The following SDK2 variants were observed in gnomAD, a reference collection of about 807,000 sequenced individuals.
The protein encoded by SDK2 is protein sidekick-2.
Under a neutral mutation model 253.9 loss-of-function variants are expected in SDK2, and 105 were observed. The observed-to-expected ratio is 0.41, with a 90% CI of 0.35 to 0.49. The LOEUF is 0.49. SDK2 is among the 20% of genes least tolerant of loss of function. The probability of loss-of-function intolerance (pLI) is 0.06; values close to 1 mark genes in which losing one functional copy is unlikely to be tolerated. For missense variants in SDK2, 2,608 were observed against 3,003.0 expected, an observed-to-expected ratio of 0.87 and a Z score of 3.07; for synonymous variants, 1,249 against 1,234.9, an observed-to-expected ratio of 1.01 and a Z score of -0.24.
chr17:73,615,818 A>G (rs1398602115), intron 1 of SDK2, among the ~76,000 whole-genome samples: 2 of 152,216 alleles, frequency 1.3e-5, no homozygotes, highest in Admixed American at 6.5e-5. Flanking sequence ...ATACACACAT[A>G]CATAAACATA....
chr17:73,574,529 T>C (rs920441707), intron 1 of SDK2, among the ~76,000 whole-genome samples: 2 of 152,162 alleles, frequency 1.3e-5, no homozygotes, highest in Admixed American at 1.3e-4. Context: ...TTCAGGAGAC[T>C]ACCTTGTGTG....
intron 2 of SDK2, among the ~76,000 whole-genome samples, chr17:73,501,237 T>C (rs1372214915): frequency 5.2e-5 from 4 of 77,416 alleles, no homozygotes; most frequent in Admixed American, 1.5e-4. Flanking sequence ...TACATGCATG[T>C]GCATGCACAC....
intron 1 of SDK2, among the ~76,000 whole-genome samples, chr17:73,626,216 G>A (rs1428977298): frequency 1.3e-5 from 2 of 152,228 alleles, no homozygotes; most frequent in Admixed American, 6.5e-5. Flanking sequence ...CCAGAATTGC[G>A]CCTGAGCGAG....
At chr17:73,549,373 C>T (rs1206194421) in intron 1 of SDK2, among the ~76,000 whole-genome samples, 1 of 152,140 alleles carries the variant, frequency 6.6e-6, no homozygotes, top group East Asian at 1.9e-4. Context: ...ACTCTTTGCC[C>T]TTTAGCTTGT....
At chr17:73,528,417 T>A (rs1162866588) in intron 1 of SDK2, among the ~76,000 whole-genome samples, 5 of 152,316 alleles carry the variant, frequency 3.3e-5, no homozygotes, top group Middle Eastern at 3.4e-3. Context: ...CAAGTCCACA[T>A]GACAATCCTC....
chr17:73,364,389 C>T (rs1023300200), intron 38 of SDK2, among the ~76,000 whole-genome samples: 22 of 152,084 alleles, frequency 1.4e-4, no homozygotes, highest in African/African-American at 4.8e-4. Context: ...ATTTGCAGAG[C>T]AGGGCTCTTG....
In SDK2 at chr17:73,352,109, G is replaced by T. The variant is rs985638862; in HGVS notation, c.5758+364C>A. 3.3e-5 allele frequency among the ~76,000 whole-genome samples: 5 copies of T among 152,158 alleles called. No homozygotes were observed. The highest frequency in any genetic ancestry group is 1.2e-4 in the African/African-American group (5 of 41,440). On this transcript the variant is annotated intron_variant, in intron 41 of 44. Transcript: ENST00000392650. The surrounding 1 kb of genome is among the most constrained non-coding windows in gnomAD (Gnocchi z 4.1). ...TGCTGCTCTGCAGGCTGCTGACCCTGCCACGTTGGGGCTGGAGGTTTCCAT... is the reference window on the plus strand; with the variant it reads ...TGCTGCTCTGCAGGCTGCTGACCCTTCCACGTTGGGGCTGGAGGTTTCCAT...
At chr17:73,409,480 T>G (rs2063107705) in intron 18 of SDK2, among the ~76,000 whole-genome samples, 1 of 149,544 alleles carries the variant, frequency 6.7e-6, no homozygotes, top group South Asian at 2.2e-4. Flanking sequence ...AAAAAAAAAT[T>G]AGCTGAGCAT....
chr17:73,584,581 C>T (rs1237551711), intron 1 of SDK2, among the ~76,000 whole-genome samples: 4 of 152,210 alleles, frequency 2.6e-5, no homozygotes, highest in Non-Finnish European at 5.9e-5. Flanking sequence ...CCAGGGAGCA[C>T]CTTCTGGGAC....
chr17:73,412,066 A>G (rs2063138534), intron 18 of SDK2, among the ~76,000 whole-genome samples: 1 of 39,456 alleles, frequency 2.5e-5, no homozygotes. Flanking sequence ...ATATGTATAT[A>G]TACGTATATA....
intron 17 of SDK2, 45 bp from the exon 18 acceptor site, chr17:73,414,804 A>T: frequency 8.1e-7 from 1 of 1,240,440 alleles, no homozygotes; most frequent in South Asian, 1.2e-5. Flanking sequence ...GGGCCCAGTC[A>T]GTCTCTCTTG....
intron 33 of SDK2, among the ~76,000 whole-genome samples, chr17:73,382,831 G>A (rs777603508): frequency 7.9e-5 from 12 of 152,160 alleles, no homozygotes; most frequent in South Asian, 2.1e-4. Flanking sequence ...GTGAAACCCC[G>A]TCTCTACTAA....
chr17:73,477,508 T>C (rs1318559124), intron 2 of SDK2, among the ~76,000 whole-genome samples: 1 of 152,222 alleles, frequency 6.6e-6, no homozygotes, highest in African/African-American at 2.4e-5. Context: ...TATGGGACCT[T>C]GCAAGCCTTA....
In SDK2 at chr17:73,443,557, T is replaced by G. The variant is rs1266896957; in HGVS notation, c.614-2634A>C. Among the ~76,000 whole-genome samples the G allele has an allele frequency of 6.6e-6, 1 of 152,170 alleles. No individual in the cohort carries two copies. Among genetic ancestry groups the G allele is most frequent in the Non-Finnish European group, 1.5e-5 (1 of 68,016 alleles). On this transcript the variant is annotated intron_variant, in intron 5 of 44. Transcript: ENST00000392650. This position sits in a 1 kb window ranked among gnomAD's most constrained non-coding sequence, Gnocchi z 4.6. ...CCTCAAGGAAGGCGAGTTCTGAGTT[T>G]AAAAATACGAGGGCTGCCCCAGGGC...
chr17:73,584,365 T>G (rs1194473934), intron 1 of SDK2, among the ~76,000 whole-genome samples: 1 of 152,130 alleles, frequency 6.6e-6, no homozygotes, highest in African/African-American at 2.4e-5. Context: ...TCCAATAAGG[T>G]TGTTGCTGTC....
chr17:73,486,633 AG>A (rs1156665888), intron 2 of SDK2, among the ~76,000 whole-genome samples: 7 of 142,536 alleles, frequency 4.9e-5, no homozygotes, highest in African/African-American at 1.3e-4. Context: ...AAAAAAAAAA[AG>A]AGGCAGAAAG....
rs143233878 is a variant in SDK2, at chr17:73,637,764, T to C, written c.64+6261A>G. On this transcript the variant is annotated intron_variant, in intron 1 of 44. Transcript: ENST00000392650. ...TTGTGTATTTCAAATGGTACATCCA[T>C]GTATGAATGGCATTACCCCCTAAAC... Among the ~76,000 whole-genome samples the C allele has an allele frequency of 3.0e-3, 462 of 152,326 alleles. 2 individuals carry two copies. Among genetic ancestry groups the C allele is most frequent in the African/African-American group, 0.01 (433 of 41,578 alleles).
intron 1 of SDK2, among the ~76,000 whole-genome samples, chr17:73,542,820 C>A (rs542297016): frequency 3.0e-4 from 45 of 152,236 alleles, no homozygotes; most frequent in Non-Finnish European, 4.7e-4. Flanking sequence ...CACAAAATAT[C>A]AAATATAAAA....
At chr17:73,430,248 C>G (rs935661003) in intron 12 of SDK2, among the ~76,000 whole-genome samples, 3 of 152,200 alleles carry the variant, frequency 2.0e-5, no homozygotes, top group African/African-American at 4.8e-5. Context: ...CTCCATTCCT[C>G]TTACTTCATC....
Sources: gnomAD v4.1 joint callset for allele counts (sites outside exome capture counted in the v4.1 genomes callset) on GRCh38, gnomAD v4.1.1 for gene constraint, Gnocchi (gnomAD v3.1) non-coding constraint, MANE v1.5 for transcripts, NCBI Gene and HGNC (gene_info 2026-07-23, HGNC 2026-07-21) for gene names.